The following TBCCD1 variants were observed in gnomAD, a reference collection of about 807,000 sequenced individuals.
TBCCD1 encodes the protein TBCC domain containing 1, also known as TBCC domain-containing protein 1.
In TBCCD1, 26 loss-of-function variants were observed where a neutral mutation model predicts 53.4. The ratio of observed to expected loss-of-function variants is 0.49; its 90% CI spans 0.36 to 0.68. The LOEUF (loss-of-function observed/expected upper bound fraction) is 0.68, where lower values mean the gene tolerates loss of function less well. Among genes scored for constraint, TBCCD1 ranks in the 30% least tolerant of loss-of-function variants. The pLI, the probability that TBCCD1 is intolerant of heterozygous loss-of-function variation, is 0.00. For missense variants in TBCCD1, 558 were observed against 669.5 expected, an observed-to-expected ratio of 0.83 and a Z score of 1.84; for synonymous variants, 245 against 241.7, an observed-to-expected ratio of 1.01 and a Z score of -0.13.
intron 2 of TBCCD1, among the ~76,000 whole-genome samples, chr3:186,561,368 T>C (rs1438405803): frequency 6.6e-6 from 1 of 152,128 alleles, no homozygotes; most frequent in African/African-American, 2.4e-5. Context: ...ATTAGAGAAA[T>C]ATAAAGCAAA....
In TBCCD1 at chr3:186,564,460, G is replaced by C. The variant is rs1229204483; in HGVS notation, c.-43-88C>G. On this transcript the variant is annotated intron_variant, in intron 1 of 7. Transcript: ENST00000338733. ...GGAAGGTGACCCCTCTCTCTCAACT[G>C]TGTCATATGTACTACATCATCATCT... The C allele has an allele frequency of 9.9e-6, 8 of 811,362 alleles. No individual in the cohort carries two copies. The East Asian group carries it at 1.6e-4, about 16-fold the overall frequency. The allele number at this position is 811,362 out of a possible 1,614,324, so 50.3% of individuals were successfully genotyped here.
chr3:186,554,520 T>C lies in TBCCD1; in HGVS notation c.1278A>G (p.Leu426=), dbSNP rs1451521550. ...FAPFHTHYPM[L]EDHMARTGLA... is the part of the protein sequence containing the mutation. ...GGCCAGTCCTGGCCATATGGTCCTCTAGCATTGGGTAATGTGTATGAAAAG... is the reference window on the plus strand; with the variant it reads ...GGCCAGTCCTGGCCATATGGTCCTCCAGCATTGGGTAATGTGTATGAAAAG... The change falls in exon 6 of 8, where the codon CTA becomes CTG. Residue 426 remains leucine, a synonymous_variant. Transcript: ENST00000338733. 1.2e-6 allele frequency: 2 copies of C among 1,614,140 alleles called. No homozygotes were observed. Among genetic ancestry groups the C allele is most frequent in the Non-Finnish European group, 1.7e-6 (2 of 1,180,052 alleles).
At chr3:186,563,323 C>A (rs186912633) in intron 2 of TBCCD1, among the ~76,000 whole-genome samples, 5 of 152,306 alleles carry the variant, frequency 3.3e-5, no homozygotes, top group African/African-American at 1.2e-4. Context: ...ATAAATCATT[C>A]TTTATTCAAT....
upstream of TBCCD1, chr3:186,570,390 A>T (rs1219666210): frequency 6.3e-6 from 3 of 479,896 alleles, no homozygotes; most frequent in East Asian, 9.8e-5. Context: ...GAAGCTCCTG[A>T]TTGGTGGAAA....
chr3:186,556,583 G>A lies in TBCCD1; in HGVS notation c.685C>T (p.Leu229Phe). The A allele has an allele frequency of 6.2e-7, 1 of 1,614,178 alleles. No homozygotes were observed. Among genetic ancestry groups the A allele is most frequent in the Non-Finnish European group, 8.5e-7 (1 of 1,180,026 alleles). ...TISRARKIYPLHELALWQPLH... is the reference protein window; with the variant it reads ...TISRARKIYPFHELALWQPLH... Reference sequence around the variant, plus strand: ...GGTTGCCACAGTGCAAGTTCATGAAGTGGATAGATCTTCCTGGCTCTACTT... The same window carrying A: ...GGTTGCCACAGTGCAAGTTCATGAAATGGATAGATCTTCCTGGCTCTACTT... Residue 229 changes from leucine to phenylalanine, a missense_variant, in exon 4 of 8, where the codon CTT (leucine) becomes TTT (phenylalanine). Transcript: ENST00000338733.
At position 186,563,778 on chromosome 3, in the gene TBCCD1, A is replaced by T. The variant is rs117414808; in HGVS notation, c.336+216T>A. ...CTAATACAAAAATTAAGAATGGTTT[A>T]TTGGGCCAGACATGGTGGCTCATGC... On this transcript the variant is annotated intron_variant, in intron 2 of 7. Transcript: ENST00000338733. Among the ~76,000 whole-genome samples, 19 of 152,342 alleles carry T rather than the reference A, an allele frequency of 1.2e-4. 1 individual carries two copies. In the East Asian group the frequency reaches 1.7e-3, roughly 14 times the overall value.
intron 3 of TBCCD1, among the ~76,000 whole-genome samples, chr3:186,558,171 G>C (rs967033412): frequency 2.6e-5 from 4 of 152,176 alleles, no homozygotes; most frequent in Non-Finnish European, 5.9e-5. Flanking sequence ...ATTGAACATA[G>C]TGATGATCTG....
At chr3:186,547,510 C>T (rs1714246896) in intron 7 of TBCCD1, among the ~76,000 whole-genome samples, 1 of 152,074 alleles carries the variant, frequency 6.6e-6, no homozygotes, top group African/African-American at 2.4e-5. Context: ...CTCACCTCAG[C>T]CTCCCAAAGT....
chr3:186,560,671 C>G (rs114477447), intron 2 of TBCCD1, among the ~76,000 whole-genome samples: 1 of 152,344 alleles, frequency 6.6e-6, no homozygotes, highest in Non-Finnish European at 1.5e-5. Context: ...CAGCCCTACC[C>G]ATGGCCATGG....
chr3:186,553,643 A>G (rs1276499049), intron 6 of TBCCD1: 1 of 152,564 alleles, frequency 6.6e-6, no homozygotes, highest in Admixed American at 6.5e-5. Context: ...ATGAGTTAGC[A>G]CATAGAAGGT....
chr3:186,562,932 C>G (rs1471430182), intron 2 of TBCCD1, among the ~76,000 whole-genome samples: 1 of 152,224 alleles, frequency 6.6e-6, no homozygotes, highest in African/African-American at 2.4e-5. Context: ...ATTTCTTTAG[C>G]CTGTGTCCCT....
intron 7 of TBCCD1, among the ~76,000 whole-genome samples, chr3:186,547,659 T>C (rs1578961806): frequency 6.6e-6 from 1 of 150,634 alleles, no homozygotes; most frequent in East Asian, 2.0e-4. Flanking sequence ...CAGGCTGGAG[T>C]GCAGTGGGGT....
chr3:186,565,785 C>T (rs958613771), intron 1 of TBCCD1, among the ~76,000 whole-genome samples: 3 of 152,158 alleles, frequency 2.0e-5, no homozygotes, highest in African/African-American at 7.2e-5. Flanking sequence ...TGAAAATTTT[C>T]AGATGTACTT....
chr3:186,564,708 A>G (rs1337600460), intron 1 of TBCCD1, among the ~76,000 whole-genome samples: 2 of 152,190 alleles, frequency 1.3e-5, no homozygotes, highest in Non-Finnish European at 2.9e-5. Flanking sequence ...ACCTTTTTCT[A>G]CTCTGAGGGG....
intron 7 of TBCCD1, among the ~76,000 whole-genome samples, chr3:186,549,893 T>C (rs1006584269): frequency 4.6e-5 from 7 of 152,178 alleles, no homozygotes; most frequent in African/African-American, 1.7e-4. Flanking sequence ...CTGTGAACTA[T>C]CTATTATTGT....
intron 3 of TBCCD1, 39 bp from the exon 4 acceptor site, chr3:186,556,814 A>T (rs1488598406): frequency 1.2e-5 from 19 of 1,571,026 alleles, no homozygotes; most frequent in Admixed American, 2.1e-5. Context: ...TAATAAAGAG[A>T]TTCCACAAGA....
At chr3:186,556,383 A>G in intron 4 of TBCCD1, 26 bp downstream of exon 4, 1 of 1,572,940 alleles carries the variant, frequency 6.4e-7, no homozygotes, top group Non-Finnish European at 8.5e-7. Flanking sequence ...ATTCAATTTA[A>G]TGTAGATTAA....
intron 2 of TBCCD1, among the ~76,000 whole-genome samples, chr3:186,561,237 A>G (rs1391992428): frequency 1.3e-5 from 2 of 152,238 alleles, no homozygotes; most frequent in African/African-American, 2.4e-5. Context: ...CTGCAGCTCA[A>G]TAGCAAGAAA....
upstream of TBCCD1, among the ~76,000 whole-genome samples, chr3:186,569,047 A>G (rs939472084): frequency 1.3e-5 from 2 of 152,102 alleles, no homozygotes; most frequent in Admixed American, 6.5e-5. Flanking sequence ...AGAAGGAATC[A>G]CCCATGCTAG....
Sources: gnomAD v4.1 joint callset for allele counts (sites outside exome capture counted in the v4.1 genomes callset) on GRCh38, gnomAD v4.1.1 for gene constraint, MANE v1.5 for transcripts, NCBI Gene and HGNC (gene_info 2026-07-23, HGNC 2026-07-21) for gene names.